The following CALD1 variants were observed in gnomAD, a reference collection of about 807,000 sequenced individuals.
CALD1 encodes the protein caldesmon 1.
CALD1 carries 33 observed loss-of-function variants against 99.9 expected under a neutral mutation model. The ratio of observed to expected loss-of-function variants is 0.33; its 90% confidence interval spans 0.25 to 0.44. The LOEUF is 0.44. CALD1 is among the 20% of genes least tolerant of loss of function. The pLI is 1.00. For missense variants in CALD1, 861 were observed against 962.1 expected (o/e 0.89, Z 1.39); for synonymous variants, 310 against 325.0 (o/e 0.95, Z 0.50).
chr7:134,879,576 A>G (rs1801502302), intron 3 of CALD1, among the ~76,000 whole-genome samples: 1 of 152,218 alleles, frequency 6.6e-6, no homozygotes, highest in African/African-American at 2.4e-5. Flanking sequence ...ACTTTTTTTT[A>G]AACCTTTTAA....
chr7:134,867,836 C>T, intron 3 of CALD1, 32 bp downstream of exon 3: 1 of 1,395,614 alleles, frequency 7.2e-7, no homozygotes. Flanking sequence ...TACTTGTATT[C>T]CCTTATTAAC....
chr7:134,862,494 A>G (rs1332740234), intron 2 of CALD1, among the ~76,000 whole-genome samples: 1 of 152,198 alleles, frequency 6.6e-6, no homozygotes, highest in African/African-American at 2.4e-5. Flanking sequence ...TATGATTCCA[A>G]CTATATGATA....
rs182027496 is a variant in CALD1, at chr7:134,763,273, A to G, written c.-130+18910A>G. On this transcript the variant is annotated intron_variant, in intron 1 of 13. Coordinates refer to the CALD1 transcript ENST00000417172. ...ATCAGGAAATATTCAACTAAGCATA[A>G]TACATAAACATGAGTTCCATTACTT... is the stretch of plus-strand genomic sequence containing the variant. 1.1e-4 allele frequency among the ~76,000 whole-genome samples: 16 copies of G among 152,362 alleles called. No homozygotes were observed. In the East Asian group the frequency reaches 3.1e-3, roughly 29 times the overall value.
At chr7:134,813,886 C>A (rs1172811062) in intron 1 of CALD1, among the ~76,000 whole-genome samples, 1 of 152,112 alleles carries the variant, frequency 6.6e-6, no homozygotes, top group African/African-American at 2.4e-5. Context: ...GGGATGTCAG[C>A]TGGTAAAGGA....
intron 2 of CALD1, among the ~76,000 whole-genome samples, chr7:134,860,499 G>C (rs1407567458): frequency 2.6e-5 from 4 of 152,136 alleles, no homozygotes; most frequent in Non-Finnish European, 5.9e-5. Flanking sequence ...AGTCAATAAA[G>C]TACAGAGAGA....
chr7:134,841,184 A>G (rs964888410), intron 1 of CALD1, among the ~76,000 whole-genome samples: 2 of 152,206 alleles, frequency 1.3e-5, no homozygotes, highest in African/African-American at 4.8e-5. Flanking sequence ...AGATGAAGAA[A>G]TTGAGTGGTT....
intron 1 of CALD1, among the ~76,000 whole-genome samples, chr7:134,767,532 T>C (rs117422408): frequency 0.016 from 2,443 of 152,330 alleles, 32 homozygotes; most frequent in Non-Finnish European, 0.025. Flanking sequence ...CAAAGCCAAT[T>C]ATAAGATTGG....
At chr7:134,863,191 G>C (rs764348672) in intron 2 of CALD1, among the ~76,000 whole-genome samples, 3 of 152,092 alleles carry the variant, frequency 2.0e-5, no homozygotes, top group Non-Finnish European at 2.9e-5. Context: ...AGTTGGGGAG[G>C]GGGGAATATA....
At chr7:134,928,301 T>C (rs28656306) in intron 3 of CALD1, among the ~76,000 whole-genome samples, 2,363 of 151,848 alleles carry the variant, frequency 0.016, 69 homozygotes, top group African/African-American at 0.053. Context: ...TGGTGGCATG[T>C]GCCTGTAATC....
At chr7:134,811,876 A>C (rs1798365069) in intron 1 of CALD1, among the ~76,000 whole-genome samples, 1 of 152,140 alleles carries the variant, frequency 6.6e-6, no homozygotes, top group African/African-American at 2.4e-5. Context: ...GACATCCAAA[A>C]TATGTGCTAT....
intron 3 of CALD1, among the ~76,000 whole-genome samples, chr7:134,901,066 T>C (rs1428420398): frequency 6.6e-6 from 1 of 152,142 alleles, no homozygotes; most frequent in Non-Finnish European, 1.5e-5. Context: ...AAAGGAAACT[T>C]GCTGAAAACT....
chr7:134,730,573 G>T, the CALD1 span, among the ~76,000 whole-genome samples: 1 of 152,122 alleles, frequency 6.6e-6, no homozygotes, highest in African/African-American at 2.4e-5. Context: ...TCTCAAAAAT[G>T]TCTTCTCTCT....
chr7:134,771,388 C>G (rs1796876861), intron 1 of CALD1, among the ~76,000 whole-genome samples: 1 of 152,174 alleles, frequency 6.6e-6, no homozygotes, highest in South Asian at 2.1e-4. Context: ...CAATAGCACT[C>G]CCATTCACTC....
intron 2 of CALD1, among the ~76,000 whole-genome samples, chr7:134,863,147 T>C (rs948836371): frequency 2.6e-5 from 4 of 152,166 alleles, no homozygotes; most frequent in Non-Finnish European, 5.9e-5. Flanking sequence ...CTGCAAAGAC[T>C]CTATCTCCAA....
intron 1 of CALD1, among the ~76,000 whole-genome samples, chr7:134,753,516 GAAATGTTAGTTTAATT>G (rs1474752130): frequency 9.9e-5 from 15 of 152,134 alleles, no homozygotes; most frequent in African/African-American, 3.1e-4. Context: ...CTCCACCTAG[GAAATGTTAGTTTAATT>G]AGACTGGGAT....
chr7:134,842,790 G>A (rs776046042), intron 1 of CALD1, among the ~76,000 whole-genome samples: 46 of 152,102 alleles, frequency 3.0e-4, no homozygotes, highest in Non-Finnish European at 5.4e-4. Context: ...AATCTAGAAA[G>A]GTGCTAGTTA....
chr7:134,947,312 G>A (rs960286398), intron 7 of CALD1, among the ~76,000 whole-genome samples, 196 bp from the exon 8 acceptor site: 7 of 152,136 alleles, frequency 4.6e-5, no homozygotes, highest in Admixed American at 2.0e-4. Context: ...CTGAGGAAAC[G>A]AAGCACAAGT....
intron 1 of CALD1, among the ~76,000 whole-genome samples, chr7:134,798,917 G>A (rs1184020483): frequency 6.6e-6 from 1 of 152,108 alleles, no homozygotes; most frequent in Non-Finnish European, 1.5e-5. Flanking sequence ...AAATCTGCTT[G>A]GATTGGGGCT....
intron 1 of CALD1, among the ~76,000 whole-genome samples, chr7:134,826,715 A>G (rs118042600): frequency 2.0e-5 from 3 of 152,160 alleles, no homozygotes; most frequent in Admixed American, 6.6e-5. Context: ...TTCCTGGATT[A>G]TTCTTTCATT....
Sources: allele counts gnomAD v4.1 joint callset (sites outside exome capture counted in the v4.1 genomes callset), GRCh38; gene constraint gnomAD v4.1.1; transcripts MANE v1.5; gene names NCBI Gene and HGNC (gene_info 2026-07-23, HGNC 2026-07-21).